Variants in KMT2E observed in about 807,000 individuals in gnomAD.
KMT2E encodes the protein histone reader KMT2E.
A neutral mutation model predicts 184.6 loss-of-function variants in KMT2E; 30 were observed. The observed-to-expected ratio is 0.16, with a 90% CI of 0.12 to 0.22. The LOEUF is 0.22. Ranked by LOEUF, KMT2E falls within the 10% of genes least tolerant of loss-of-function variation. The probability of loss-of-function intolerance (pLI) is 1.00; values close to 1 mark genes in which losing one functional copy is unlikely to be tolerated. For missense variants in KMT2E, 2,023 were observed against 2,237.4 expected, an observed-to-expected ratio of 0.90 and a Z score of 1.93; for synonymous variants, 815 against 776.5, an observed-to-expected ratio of 1.05 and a Z score of -0.82.
At chr7:105,027,097 T>C (rs1282003436) in intron 1 of KMT2E, among the ~76,000 whole-genome samples, 5 of 121,514 alleles carry the variant, frequency 4.1e-5, no homozygotes, top group East Asian at 2.9e-4. Context: ...TTTTTTTTTT[T>C]TGGAGACAGG....
chr7:105,030,145 G>T (rs1032014450), intron 1 of KMT2E, among the ~76,000 whole-genome samples: 1 of 152,200 alleles, frequency 6.6e-6, no homozygotes, highest in African/African-American at 2.4e-5. Flanking sequence ...TGTAAGTAGT[G>T]CATTCTTTAG....
intron 22 of KMT2E, among the ~76,000 whole-genome samples, chr7:105,108,327 T>A (rs1444542693): frequency 6.6e-6 from 1 of 152,224 alleles, no homozygotes; most frequent in African/African-American, 2.4e-5. Context: ...ATCTATAGTA[T>A]TTAGGCCATG....
chr7:105,094,599 G>T (rs1229126928), intron 15 of KMT2E, among the ~76,000 whole-genome samples: 1 of 151,996 alleles, frequency 6.6e-6, no homozygotes, highest in South Asian at 2.1e-4. Flanking sequence ...ACCTAGACTC[G>T]GTATCATGTA....
Position 105,112,000 on chromosome 7 carries a change from A to C in KMT2E, c.4244A>C (p.His1415Pro), listed in dbSNP as rs1263514276. The change falls in exon 27 of 27, where the codon CAT becomes CCT. Residue 1415 changes from histidine (H) to proline (P), a missense_variant. Physicochemically the swap from His to Pro is moderately conservative, Grantham distance 77 (BLOSUM62 -2). Coordinates refer to ENST00000311117, the MANE Select transcript of KMT2E (RefSeq NM_182931.3). ...AACAACCAAGCACTTTCAAAGAATC[A>C]TCCTCCTCAGACACACGTTCGTAAT... ...SNNNQALSKN[H>P]PPQTHVRNSS... 7 of 1,614,190 alleles carry C rather than the reference A, an allele frequency of 4.3e-6. No homozygotes were observed. The highest frequency in any genetic ancestry group is 2.2e-5 in the South Asian group (2 of 91,084).
At position 105,113,423 on chromosome 7, in the gene KMT2E, C is replaced by T; in HGVS notation, c.*90C>T. 2.2e-6 allele frequency: 3 copies of T among 1,351,814 alleles called. No individual in the cohort carries two copies. Among genetic ancestry groups the T allele is most frequent in the East Asian group, 5.0e-5 (2 of 39,652 alleles). The allele number at this position is 1,351,814 out of a possible 1,614,324, so 83.7% of individuals were successfully genotyped here. A position where few individuals can be genotyped will look rare whatever the true frequency, so the allele number is the denominator to read the frequency against. ...GTTAAGGTACTTTTTAAAGCTTGTA[C>T]ATGAACCTTTGTATAAAAAACACCA... On this transcript the variant is annotated 3_prime_UTR_variant, in exon 27 of 27. Coordinates refer to ENST00000311117, the MANE Select transcript of KMT2E (RefSeq NM_182931.3).
chr7:105,025,396 G>GA (rs914265069), intron 1 of KMT2E, among the ~76,000 whole-genome samples: 2 of 151,970 alleles, frequency 1.3e-5, no homozygotes, highest in Admixed American at 1.3e-4. Flanking sequence ...GTTGTTTCTG[G>GA]AAAAAAGTAA....
intron 3 of KMT2E, among the ~76,000 whole-genome samples, chr7:105,060,225 C>G (rs991555899): frequency 6.6e-6 from 1 of 151,396 alleles, no homozygotes; most frequent in African/African-American, 2.4e-5. Context: ...GAACTCCTGA[C>G]CTTGTGATCC....
intron 1 of KMT2E, among the ~76,000 whole-genome samples, chr7:105,016,497 A>G (rs372564776): frequency 1.3e-5 from 2 of 152,208 alleles, no homozygotes; most frequent in Non-Finnish European, 1.5e-5. Flanking sequence ...ACATTACCAT[A>G]ATAGGGTCTT....
rs550803767 is a variant in KMT2E, at chr7:105,040,824, T to G, written c.-114-15T>G. ...GTGTGACTGTTGCTTTTTTGTCTCCTTTTCTTTTAAACAGGGTTTGTGGAT... is the reference window on the plus strand; with the variant it reads ...GTGTGACTGTTGCTTTTTTGTCTCCGTTTCTTTTAAACAGGGTTTGTGGAT... On this transcript the variant is annotated splice_polypyrimidine_tract_variant and intron_variant, in intron 2 of 26. Coordinates refer to ENST00000311117, the MANE Select transcript of KMT2E (RefSeq NM_182931.3). 60 of 530,554 alleles carry G rather than the reference T, an allele frequency of 1.1e-4. No individual in the cohort carries two copies. Among genetic ancestry groups the G allele is most frequent in the Non-Finnish European group, 2.0e-4 (59 of 294,894 alleles). 32.9% of individuals were successfully genotyped at this position (530,554 alleles called of 1,614,324 possible).
intron 3 of KMT2E, among the ~76,000 whole-genome samples, chr7:105,053,117 G>A (rs1162826677): frequency 6.6e-6 from 1 of 152,164 alleles, no homozygotes; most frequent in Non-Finnish European, 1.5e-5. Context: ...CATGATTTCA[G>A]TATATTGAAT....
At chr7:105,025,638 G>T (rs1016594619) in intron 1 of KMT2E, among the ~76,000 whole-genome samples, 9 of 152,110 alleles carry the variant, frequency 5.9e-5, no homozygotes, top group Non-Finnish European at 1.2e-4. Flanking sequence ...TGAGATGAAT[G>T]CTCATGGAAG....
chr7:105,110,259 A>G (rs1412483065), intron 23 of KMT2E, 21 bp from the exon 24 acceptor site: 1 of 1,586,888 alleles, frequency 6.3e-7, no homozygotes, highest in Non-Finnish European at 8.7e-7. Context: ...AATAGAGGAT[A>G]ATGTGATTTT....
Position 105,090,046 on chromosome 7 carries a change from C to A in KMT2E, c.1396C>A (p.Pro466Thr). Residue 466 changes from proline to threonine, a missense_variant, in exon 14 of 27, where the codon CCA becomes ACA. Around this residue, in one of 8 missense-constraint regions of KMT2E, gnomAD observed 514 missense variants for 621.8 expected, o/e 0.83. Transcript: ENST00000311117. The part of the protein sequence containing the change: ...KVDCACLKEN[P>T]ECPVLKRSSE... ...GGACTGTGCATGCCTCAAAGAAAAC[C>A]CAGAGTGCCCTGTTCTAAAACGTAG... is the stretch of plus-strand genomic sequence containing the variant. The A allele has an allele frequency of 6.2e-7, 1 of 1,613,274 alleles. No individual in the cohort carries two copies. The highest frequency in any genetic ancestry group is 8.5e-7 in the Non-Finnish European group (1 of 1,179,796).
rs144264295 is a variant in KMT2E, at chr7:105,034,826, A to G, written c.-188-3300A>G. Among the ~76,000 whole-genome samples, 5 of 120,472 alleles carry G rather than the reference A, an allele frequency of 4.2e-5. No individual in the cohort carries two copies. The East Asian group carries it at 1.3e-3, about 31-fold the overall frequency. 79.0% of individuals were successfully genotyped at this position (120,472 alleles called of 152,430 possible). A position where few individuals can be genotyped will look rare whatever the true frequency, so the allele number is the denominator to read the frequency against. ...TGTTATATAAATGGAGTTAAATAGT[A>G]TGTAACTTTTTGAGGTTGGCTTTTT... On this transcript the variant is annotated intron_variant, in intron 1 of 26. Coordinates refer to ENST00000311117, the MANE Select transcript of KMT2E (RefSeq NM_182931.3).
At chr7:105,060,463 G>C (rs887297186) in intron 3 of KMT2E, among the ~76,000 whole-genome samples, 2 of 151,880 alleles carry the variant, frequency 1.3e-5, no homozygotes, top group African/African-American at 4.8e-5. Context: ...GTCTCATTCT[G>C]TTGCCCAGGC....
chr7:105,063,683 C>T, intron 5 of KMT2E, 103 bp downstream of exon 5: 2 of 753,332 alleles, frequency 2.7e-6, no homozygotes, highest in Non-Finnish European at 4.1e-6. Flanking sequence ...TTAATGGATA[C>T]ATATTTTAAG....
intron 1 of KMT2E, among the ~76,000 whole-genome samples, chr7:105,019,922 C>T (rs1794877536): frequency 6.6e-6 from 1 of 151,950 alleles, no homozygotes; most frequent in Non-Finnish European, 1.5e-5. Context: ...GTCTGGCCAA[C>T]ATGGTGAAAC....
At chr7:105,036,148 T>G (rs1262642329) in intron 1 of KMT2E, among the ~76,000 whole-genome samples, 1 of 151,786 alleles carries the variant, frequency 6.6e-6, no homozygotes. Flanking sequence ...GGCAGGGTTT[T>G]TTGTTGTTGT....
At chr7:105,084,892 C>T (rs1797899541) in intron 13 of KMT2E, among the ~76,000 whole-genome samples, 1 of 151,618 alleles carries the variant, frequency 6.6e-6, no homozygotes, top group African/African-American at 2.4e-5. Flanking sequence ...CTTTACATGA[C>T]TGGAGTGTGA....
Sources: gnomAD v4.1 joint callset for allele counts (sites outside exome capture counted in the v4.1 genomes callset) on GRCh38, gnomAD v4.1.1 for gene constraint, gnomAD v4.1.1 regional missense constraint, MANE v1.5 for transcripts, NCBI Gene and HGNC (gene_info 2026-07-23, HGNC 2026-07-21) for gene names.